The following ZIM3 variants were observed in gnomAD, a reference collection of about 807,000 sequenced individuals.
The protein encoded by ZIM3 is zinc finger imprinted 3.
Under a neutral mutation model 12.9 loss-of-function variants are expected in ZIM3, and 11 were observed. The observed-to-expected ratio is 0.85, with a 90% CI of 0.54 to 1.41. ZIM3 has a LOEUF of 1.41. Among genes scored for constraint, ZIM3 ranks in the 40% most tolerant of loss-of-function variants. The pLI, the probability that ZIM3 is intolerant of heterozygous loss-of-function variation, is 0.00. For missense variants in ZIM3, 604 were observed against 557.2 expected (o/e 1.08, Z -0.85); for synonymous variants, 205 against 198.5 (o/e 1.03, Z -0.28).
intron 2 of ZIM3, among the ~76,000 whole-genome samples, 184 bp downstream of exon 2, chr19:57,142,445 G>A (rs1367762776): frequency 2.0e-5 from 3 of 152,040 alleles, no homozygotes; most frequent in Non-Finnish European, 4.4e-5. Context: ...CCAGCCTTGA[G>A]CTTTACTTGA....
At chr19:57,141,283 C>T (rs1165763364) in intron 2 of ZIM3, among the ~76,000 whole-genome samples, 2 of 151,514 alleles carry the variant, frequency 1.3e-5, no homozygotes, top group African/African-American at 4.9e-5. Flanking sequence ...CGCCTGTAAT[C>T]CCAGCTGCTC....
Position 57,135,916 on chromosome 19 carries a change from C to T in ZIM3, c.421G>A (p.Val141Ile). The T allele has an allele frequency of 1.2e-6, 2 of 1,614,070 alleles. No homozygotes were observed. Among genetic ancestry groups the T allele is most frequent in the Non-Finnish European group, 1.7e-6 (2 of 1,180,032 alleles). Reference sequence around the variant, plus strand: ...TTATCATCGTGAGAATTATTTTGTACATAGTGTTGCAAGGAAGATACATCA... The same window carrying T: ...TTATCATCGTGAGAATTATTTTGTATATAGTGTTGCAAGGAAGATACATCA... ...IDDVSSLQHY[V>I]QNNSHDDNGY... The change falls in exon 5 of 5, where the codon GTA (valine) becomes ATA (isoleucine). Residue 141 changes from valine (V) to isoleucine (I), a missense_variant. Coordinates refer to ENST00000269834, the MANE Select transcript of ZIM3 (RefSeq NM_052882.1).
Position 57,135,475 on chromosome 19 carries a change from A to G in ZIM3, c.862T>C (p.Phe288Leu). 1 of 1,614,148 alleles carries G rather than the reference A, an allele frequency of 6.2e-7. No individual in the cohort carries two copies. Among genetic ancestry groups the G allele is most frequent in the South Asian group, 1.1e-5 (1 of 91,082 alleles). The change falls in exon 5 of 5, where the codon TTC (phenylalanine) becomes CTC (leucine). Residue 288 changes from phenylalanine (F) to leucine (L), a missense_variant. Physicochemically the swap from Phe to Leu is conservative, Grantham distance 22. Coordinates refer to ENST00000269834, the MANE Select transcript of ZIM3 (RefSeq NM_052882.1). ...TGAATGAGGGTTGAGTTCTGCCTGA[A>G]GGATTTCTCACATTCATTACACTGA... is the stretch of plus-strand genomic sequence containing the variant. ...SYQCNECEKS[F>L]RQNSTLIQHK...
At position 57,138,054 on chromosome 19, in the gene ZIM3, A is replaced by AGAAG. The variant is rs763156922; in HGVS notation, c.142+414_142+417dup. Among the ~76,000 whole-genome samples the AGAAG allele has an allele frequency of 1.1e-4, 5 of 45,738 alleles. 1 individual carries two copies. The highest frequency in any genetic ancestry group is 3.0e-4 in the African/African-American group (2 of 6,710). The allele number at this position is 45,738 out of a possible 152,430, so 30.0% of individuals were successfully genotyped here. Reference sequence around the variant, plus strand: ...AGGAAAGAAGGAAGGAAGGAAGGAAAGAAGGAAGGAAGGAAGGAAGGAAAG... The same window carrying AGAAG: ...AGGAAAGAAGGAAGGAAGGAAGGAAAGAAGGAAGGAAGGAAGGAAGGAAGGAAAG... On this transcript the variant is annotated intron_variant, in intron 3 of 4. Coordinates refer to ENST00000269834, the MANE Select transcript of ZIM3 (RefSeq NM_052882.1).
chr19:57,140,649 T>G (rs1462593332), intron 2 of ZIM3, among the ~76,000 whole-genome samples: 1 of 151,972 alleles, frequency 6.6e-6, no homozygotes, highest in African/African-American at 2.4e-5. Flanking sequence ...TCATTTTTTA[T>G]TATTTGTAGA....
chr19:57,145,073 C>G lies in ZIM3; in HGVS notation c.-257G>C, dbSNP rs1239889170. On this transcript the variant is annotated 5_prime_UTR_variant, in exon 1 of 5. Transcript: ENST00000269834. ...CTTCCTATCAAAAGCCCCACCTGAT[C>G]CTATCAGGCCACATCAAAATTTCAA... 1 of 152,174 alleles carries G rather than the reference C, an allele frequency of 6.6e-6. No individual in the cohort carries two copies. Among genetic ancestry groups the G allele is most frequent in the East Asian group, 1.9e-4 (1 of 5,182 alleles). The allele number at this position is 152,174 out of a possible 1,614,324, so 9.4% of individuals were successfully genotyped here. A position where few individuals can be genotyped will look rare whatever the true frequency, so the allele number is the denominator to read the frequency against.
At chr19:57,137,724 T>C (rs934603771) in intron 3 of ZIM3, among the ~76,000 whole-genome samples, 2 of 143,132 alleles carry the variant, frequency 1.4e-5, no homozygotes, top group Non-Finnish European at 3.0e-5. Flanking sequence ...AAAAAAAAAA[T>C]ACTACAGTGA....
intron 2 of ZIM3, among the ~76,000 whole-genome samples, chr19:57,141,495 T>G (rs994388669): frequency 7.0e-6 from 1 of 143,706 alleles, no homozygotes; most frequent in Admixed American, 6.8e-5. Context: ...TTGTTTTTTG[T>G]TTTTGTTTTT....
chr19:57,138,494 A>G lies in ZIM3; in HGVS notation c.120T>C (p.Asn40=), dbSNP rs2086899924. 5 of 1,613,948 alleles carry G rather than the reference A, an allele frequency of 3.1e-6. No homozygotes were observed. Among genetic ancestry groups the G allele is most frequent in the Non-Finnish European group, 3.4e-6 (4 of 1,180,020 alleles). ...TACCCACAGAGACAAGGTTGCTGTAATTCTCCAGCATCACATCCCTGTACA... is the reference window on the plus strand; with the variant it reads ...TACCCACAGAGACAAGGTTGCTGTAGTTCTCCAGCATCACATCCCTGTACA... ...RNLYRDVMLE[N]YSNLVSVGQG... The change falls in exon 3 of 5, where the codon AAT becomes AAC. Residue 40 remains asparagine (N), a synonymous_variant. Coordinates refer to ENST00000269834, the MANE Select transcript of ZIM3 (RefSeq NM_052882.1).
At chr19:57,138,708 C>T in intron 2 of ZIM3, 110 bp from the exon 3 acceptor site, 2 of 1,380,916 alleles carry the variant, frequency 1.4e-6, no homozygotes, top group Non-Finnish European at 2.0e-6. Context: ...ATAATTCACT[C>T]TACTCTGGAT....
chr19:57,144,997 C>T lies in ZIM3; in HGVS notation c.-181G>A, dbSNP rs1310469012. ...TGACTAAAACTTAATCGGCCCTCTACCCGCTGTATTCCGCATCATAATCCA... is the reference window on the plus strand; with the variant it reads ...TGACTAAAACTTAATCGGCCCTCTATCCGCTGTATTCCGCATCATAATCCA... On this transcript the variant is annotated 5_prime_UTR_variant, in exon 1 of 5. Transcript: ENST00000269834. 1 of 152,152 alleles carries T rather than the reference C, an allele frequency of 6.6e-6. No homozygotes were observed. The highest frequency in any genetic ancestry group is 1.9e-4 in the East Asian group (1 of 5,182). The allele number at this position is 152,152 out of a possible 1,614,324, so 9.4% of individuals were successfully genotyped here.
intron 1 of ZIM3, among the ~76,000 whole-genome samples, chr19:57,143,286 G>A (rs1032028857): frequency 5.3e-5 from 8 of 150,934 alleles, no homozygotes; most frequent in Non-Finnish European, 7.4e-5. Context: ...AGCCGAGATC[G>A]CGCCACCGCA....
rs2086874478 is a variant in ZIM3, at chr19:57,134,253, A to G, written c.*665T>C. On this transcript the variant is annotated 3_prime_UTR_variant, in exon 5 of 5. Coordinates refer to ENST00000269834, the MANE Select transcript of ZIM3 (RefSeq NM_052882.1). Reference sequence around the variant, plus strand: ...AATTATAGAAATCATCCCTAAAAGTATAAAGTGCTGTCTTATTTGTTTATT... The same window carrying G: ...AATTATAGAAATCATCCCTAAAAGTGTAAAGTGCTGTCTTATTTGTTTATT... 6.6e-6 allele frequency: 1 copy of G among 152,274 alleles called. No homozygotes were observed. Among genetic ancestry groups the G allele is most frequent in the Non-Finnish European group, 1.5e-5 (1 of 68,106 alleles). 9.4% of individuals were successfully genotyped at this position (152,274 alleles called of 1,614,324 possible). A position where few individuals can be genotyped will look rare whatever the true frequency, so the allele number is the denominator to read the frequency against.
At chr19:57,136,190 G>T (rs2086886116) in intron 4 of ZIM3, 95 bp from the exon 5 acceptor site, 2 of 1,206,202 alleles carry the variant, frequency 1.7e-6, no homozygotes, top group Non-Finnish European at 2.3e-6. Context: ...TGATTATTCT[G>T]GCTTCAAACC....
intron 2 of ZIM3, among the ~76,000 whole-genome samples, chr19:57,139,121 G>T (rs1259705662): frequency 6.6e-6 from 1 of 152,114 alleles, no homozygotes; most frequent in Non-Finnish European, 1.5e-5. Flanking sequence ...GAGGTCAGGA[G>T]TTCGAGACCA....
chr19:57,145,159 T>C lies in ZIM3; in HGVS notation c.-343A>G, dbSNP rs1229429392. 1 of 152,184 alleles carries C rather than the reference T, an allele frequency of 6.6e-6. No individual in the cohort carries two copies. The highest frequency in any genetic ancestry group is 1.5e-5 in the Non-Finnish European group (1 of 68,036). 9.4% of individuals were successfully genotyped at this position (152,184 alleles called of 1,614,324 possible). A position where few individuals can be genotyped will look rare whatever the true frequency, so the allele number is the denominator to read the frequency against. ...TGAACTCTCATAAAAATTGTGATTG[T>C]GAAAGCTTAATTTTCAAATCTGCCC... On this transcript the variant is annotated 5_prime_UTR_variant, in exon 1 of 5. Coordinates refer to ENST00000269834, the MANE Select transcript of ZIM3 (RefSeq NM_052882.1).
At chr19:57,140,905 G>A (rs557122074) in intron 2 of ZIM3, among the ~76,000 whole-genome samples, 47 of 152,252 alleles carry the variant, frequency 3.1e-4, no homozygotes, top group African/African-American at 1.1e-3. Context: ...CTTTGATTCC[G>A]ACTGGTACTA....
intron 3 of ZIM3, among the ~76,000 whole-genome samples, chr19:57,138,070 GGAAGGAAA>G (rs372787565): frequency 2.3e-5 from 2 of 87,956 alleles, no homozygotes; most frequent in Admixed American, 1.1e-4. Context: ...AAGGAAGGAA[GGAAGGAAA>G]GAAGGGAGGT....
chr19:57,138,062 G>A (rs10401493), intron 3 of ZIM3, among the ~76,000 whole-genome samples: 12 of 97,504 alleles, frequency 1.2e-4, no homozygotes, highest in African/African-American at 3.4e-4. Context: ...AAAGAAGGAA[G>A]GAAGGAAGGA....
Sources: allele counts gnomAD v4.1 joint callset (sites outside exome capture counted in the v4.1 genomes callset), GRCh38; gene constraint gnomAD v4.1.1; transcripts MANE v1.5; gene names NCBI Gene and HGNC (gene_info 2026-07-23, HGNC 2026-07-21).